The following FRMPD2 variants were observed in gnomAD, a reference collection of about 807,000 sequenced individuals.
The protein encoded by FRMPD2 is FERM and PDZ domain containing 2, also known as FERM and PDZ domain-containing protein 2.
A neutral mutation model predicts 140.1 loss-of-function variants in FRMPD2; 96 were observed. The ratio of observed to expected loss-of-function variants is 0.69; its 90% CI spans 0.58 to 0.81. The LOEUF (loss-of-function observed/expected upper bound fraction) is 0.81, where lower values mean the gene tolerates loss of function less well. Ranked by LOEUF, FRMPD2 falls within the 40% of genes least tolerant of loss-of-function variation. The probability of loss-of-function intolerance (pLI) is 0.00; values close to 1 mark genes in which losing one functional copy is unlikely to be tolerated. For synonymous variants in FRMPD2, 449 were observed against 547.6 expected, an observed-to-expected ratio of 0.82 and a Z score of 2.52; for missense variants, 1,240 against 1,447.4, an observed-to-expected ratio of 0.86 and a Z score of 2.32.
At chr10:48,197,235 A>G (rs1014419460) in intron 15 of FRMPD2, among the ~76,000 whole-genome samples, 1 of 152,188 alleles carries the variant, frequency 6.6e-6, no homozygotes, top group African/African-American at 2.4e-5. Flanking sequence ...CACAGCTCCC[A>G]TATGAATTGG....
chr10:48,241,979 C>T, intron 5 of FRMPD2, 182 bp downstream of exon 5: 1 of 461,670 alleles, frequency 2.2e-6, no homozygotes, highest in Non-Finnish European at 3.8e-6. Context: ...GTTCTAGATC[C>T]ACCCTGTTCA....
At chr10:48,214,858 T>C (rs913755216) in intron 12 of FRMPD2, among the ~76,000 whole-genome samples, 1 of 152,198 alleles carries the variant, frequency 6.6e-6, no homozygotes, top group Non-Finnish European at 1.5e-5. Flanking sequence ...TGGGAAGGCA[T>C]GGCAGGCTGC....
At chr10:48,157,963 G>A (rs1289891079) in intron 28 of FRMPD2, among the ~76,000 whole-genome samples, 2 of 142,296 alleles carry the variant, frequency 1.4e-5, no homozygotes, top group African/African-American at 5.4e-5. Context: ...AGCTCACTAA[G>A]CCTTGTTGAG....
intron 4 of FRMPD2, among the ~76,000 whole-genome samples, chr10:48,243,069 G>C (rs1840164075): frequency 6.6e-6 from 1 of 152,216 alleles, no homozygotes; most frequent in Non-Finnish European, 1.5e-5. Context: ...GGGAGCATCA[G>C]CTGTGAGCAC....
chr10:48,172,215 A>G (rs1339831762), intron 25 of FRMPD2, among the ~76,000 whole-genome samples: 1 of 135,010 alleles, frequency 7.4e-6, no homozygotes, highest in African/African-American at 2.8e-5. Context: ...TTTGGAGTCC[A>G]TTTCTCAAAG....
In FRMPD2 at chr10:48,237,850, A is replaced by G. The variant is rs528405333; in HGVS notation, c.921+141T>C. ...GCCCTAAGTTGCAAATTTCAGGTTT[A>G]TGTTAGTCCAATCCTATAAACCTCA... On this transcript the variant is annotated intron_variant, in intron 8 of 28. Coordinates refer to ENST00000374201, the MANE Select transcript of FRMPD2 (RefSeq NM_001018071.4). The G allele has an allele frequency of 1.0e-4, 108 of 1,034,206 alleles. 1 individual carries two copies. In the South Asian group the frequency reaches 1.4e-3, roughly 13 times the overall value. 64.1% of individuals were successfully genotyped at this position (1,034,206 alleles called of 1,614,324 possible).
At chr10:48,194,042 C>T (rs983456599) in intron 15 of FRMPD2, among the ~76,000 whole-genome samples, 2 of 152,206 alleles carry the variant, frequency 1.3e-5, no homozygotes, top group African/African-American at 4.8e-5. Flanking sequence ...GCACAAATTG[C>T]ATAGTATCTT....
chr10:48,225,105 C>A (rs776369499), intron 10 of FRMPD2, among the ~76,000 whole-genome samples: 8 of 152,154 alleles, frequency 5.3e-5, no homozygotes, highest in Non-Finnish European at 1.2e-4. Context: ...GACGCCTAAG[C>A]CAGATGGGCT....
chr10:48,216,945 G>A (rs1839464740), intron 12 of FRMPD2, among the ~76,000 whole-genome samples: 1 of 152,168 alleles, frequency 6.6e-6, no homozygotes, highest in East Asian at 1.9e-4. Context: ...AGGGCAGGAA[G>A]GAGTTCAAGG....
At chr10:48,244,692 T>C in intron 4 of FRMPD2, 92 bp downstream of exon 4, 1 of 921,170 alleles carries the variant, frequency 1.1e-6, no homozygotes. Flanking sequence ...GCATTATGTG[T>C]GCTCAGTAAA....
rs115774076 is a variant in FRMPD2, at chr10:48,192,691, C to T, written c.2158G>A (p.Gly720Arg). The change falls in exon 16 of 29, where the codon GGG (glycine) becomes AGG (arginine). Residue 720 changes from glycine (G) to arginine (R), a missense_variant. Gly to Arg is a moderately radical substitution (Grantham distance 125). Coordinates refer to ENST00000374201, the MANE Select transcript of FRMPD2 (RefSeq NM_001018071.4). ...GSKEAGAEGI[G>R]RSPCTGREQL... ...CAAATGTGTCACACCCACCTGCGCC[C>T]GATGCCTTCTGCTCCAGCCTCCTTG... 362 of 1,613,978 alleles carry T rather than the reference C, an allele frequency of 2.2e-4. No individual in the cohort carries two copies. Among genetic ancestry groups the T allele is most frequent in the Non-Finnish European group, 2.8e-4 (325 of 1,179,976 alleles).
At chr10:48,253,399 C>G (rs1043688938) in intron 1 of FRMPD2, among the ~76,000 whole-genome samples, 4 of 151,966 alleles carry the variant, frequency 2.6e-5, no homozygotes, top group Non-Finnish European at 5.9e-5. Context: ...ACAAGGACTG[C>G]CCAATAAAAT....
chr10:48,271,806 T>C (rs1840772114), intron 1 of FRMPD2, among the ~76,000 whole-genome samples: 1 of 152,190 alleles, frequency 6.6e-6, no homozygotes, highest in African/African-American at 2.4e-5. Flanking sequence ...AAAAGCATAG[T>C]GGCTGGAAGA....
chr10:48,251,178 A>C (rs280609), intron 2 of FRMPD2, among the ~76,000 whole-genome samples: 19,661 of 151,958 alleles, frequency 0.13, 4,236 homozygotes, highest in African/African-American at 0.45. Context: ...GGGTGACCAC[A>C]CCCTGCCTCT....
intron 16 of FRMPD2, 28 bp downstream of exon 16, chr10:48,192,656 G>A (rs1838856040): frequency 6.3e-7 from 1 of 1,587,026 alleles, no homozygotes; most frequent in Admixed American, 1.7e-5. Context: ...GGTGGTTTGG[G>A]CCCAGAGAAC....
At chr10:48,263,482 G>A (rs1280917677) in intron 1 of FRMPD2, among the ~76,000 whole-genome samples, 1 of 151,954 alleles carries the variant, frequency 6.6e-6, no homozygotes, top group Non-Finnish European at 1.5e-5. Flanking sequence ...AATGAAATAA[G>A]GGCCATCACT....
chr10:48,270,215 G>A (rs578261643), intron 1 of FRMPD2, among the ~76,000 whole-genome samples: 5 of 152,250 alleles, frequency 3.3e-5, no homozygotes, highest in South Asian at 2.1e-4. Flanking sequence ...ACGTGGTCTC[G>A]AGGCCCATTT....
intron 15 of FRMPD2, among the ~76,000 whole-genome samples, chr10:48,200,298 C>T (rs1033454494): frequency 6.6e-6 from 1 of 152,168 alleles, no homozygotes; most frequent in African/African-American, 2.4e-5. Flanking sequence ...TTGCAGAGCT[C>T]ACCTGAACCA....
chr10:48,268,946 CT>C (rs1840721524), intron 1 of FRMPD2, among the ~76,000 whole-genome samples: 1 of 152,110 alleles, frequency 6.6e-6, no homozygotes, highest in South Asian at 2.1e-4. Flanking sequence ...TTCTTTGCAA[CT>C]TTTTATCTGA....
Sources: allele counts gnomAD v4.1 joint callset (sites outside exome capture counted in the v4.1 genomes callset), GRCh38; gene constraint gnomAD v4.1.1; transcripts MANE v1.5; gene names NCBI Gene and HGNC (gene_info 2026-07-23, HGNC 2026-07-21).